The following THBS2 variants were observed in gnomAD, a reference collection of about 807,000 sequenced individuals.
THBS2 encodes thrombospondin-2.
A neutral mutation model predicts 135.2 loss-of-function variants in THBS2; 47 were observed. The observed-to-expected ratio is 0.35, with a 90% CI of 0.28 to 0.44. The LOEUF (loss-of-function observed/expected upper bound fraction) is 0.44, where lower values mean the gene tolerates loss of function less well. Ranked by LOEUF, THBS2 falls within the 20% of genes least tolerant of loss-of-function variation. THBS2 has a pLI of 1.00. For synonymous variants in THBS2, 639 were observed against 633.8 expected, an observed-to-expected ratio of 1.01 and a Z score of -0.12; for missense variants, 1,288 against 1,603.1, an observed-to-expected ratio of 0.80 and a Z score of 3.36.
chr6:169,233,119 C>G, intron 10 of THBS2, 102 bp from the exon 11 acceptor site: 1 of 1,405,274 alleles, frequency 7.1e-7, no homozygotes, highest in East Asian at 2.5e-5. Flanking sequence ...TCTTTGTCAT[C>G]GAATTGTGTA....
intron 3 of THBS2, among the ~76,000 whole-genome samples, chr6:169,247,832 T>A (rs1780605514): frequency 6.6e-6 from 1 of 151,802 alleles, no homozygotes. Flanking sequence ...TATTTGTGTA[T>A]GTGCATGGGT....
chr6:169,226,611 T>G (rs545031747), intron 15 of THBS2, among the ~76,000 whole-genome samples: 1 of 152,340 alleles, frequency 6.6e-6, no homozygotes, highest in Non-Finnish European at 1.5e-5. Context: ...GCTAAATTGC[T>G]TATTTCTCCC....
chr6:169,241,801 G>C lies in THBS2; in HGVS notation c.852C>G (p.His284Gln), dbSNP rs370664501. The C allele has an allele frequency of 2.5e-6, 4 of 1,612,032 alleles. No individual in the cohort carries two copies. The Admixed American group carries it at 6.7e-5, about 27-fold the overall frequency. Residue 284 changes from histidine to glutamine, a missense_variant, in exon 5 of 22, where the codon CAC (histidine) becomes CAG (glutamine). Coordinates refer to ENST00000617924, the MANE Select transcript of THBS2 (RefSeq NM_003247.5). This position sits in a 1 kb window ranked among gnomAD's most constrained non-coding sequence, Gnocchi z 5.5. ...GNMVQELSGLHVLVNQLSENL... is the reference protein window; with the variant it reads ...GNMVQELSGLQVLVNQLSENL... ...TCTCGCTGAGCTGGTTCACGAGGACGTGGAGCCCCGAGAGCTCCTGGACCA... is the reference window on the plus strand; with the variant it reads ...TCTCGCTGAGCTGGTTCACGAGGACCTGGAGCCCCGAGAGCTCCTGGACCA...
rs774388245 is a variant in THBS2 at position 169,248,831 on chromosome 6, C to G, written c.195G>C (p.Pro65=). The G allele has an allele frequency of 1.2e-6, 2 of 1,610,910 alleles. No homozygotes were observed. The highest frequency in any genetic ancestry group is 1.1e-5 in the South Asian group (1 of 91,088). ...TCTTGCTGAGGTCATCTGCGTTCAC[C>G]GGTGGGATGTAGTCAAAGCGCACGA... is the stretch of plus-strand genomic sequence containing the variant. The part of the protein sequence containing the change: ...YRFVRFDYIP[P]VNADDLSKIT... The change falls in exon 3 of 22, where the codon CCG becomes CCC. Residue 65 remains proline (P), a synonymous_variant. Coordinates refer to ENST00000617924, the MANE Select transcript of THBS2 (RefSeq NM_003247.5).
intron 13 of THBS2, 78 bp downstream of exon 13, chr6:169,231,902 C>T (rs1435067851): frequency 6.6e-6 from 9 of 1,368,188 alleles, no homozygotes; most frequent in African/African-American, 2.9e-5. Context: ...CCCCGCCCCC[C>T]GTCCGCGTAG....
Position 169,252,870 on chromosome 6 carries a change from A to C in THBS2, c.-23+854T>G, listed in dbSNP as rs1399915655. On this transcript the variant is annotated intron_variant, in intron 1 of 21. Coordinates refer to ENST00000617924, the MANE Select transcript of THBS2 (RefSeq NM_003247.5). The surrounding 1 kb of genome is among the most constrained non-coding windows in gnomAD (Gnocchi z 4.3). ...GTCTTTTAAAACTCTTTTCGTATGA[A>C]CAATCAAAGTAAAAGATAGCTTTGC... Among the ~76,000 whole-genome samples, 2 of 152,228 alleles carry C rather than the reference A, an allele frequency of 1.3e-5. No homozygotes were observed. Among genetic ancestry groups the C allele is most frequent in the Non-Finnish European group, 2.9e-5 (2 of 68,042 alleles).
chr6:169,236,179 A>AC (rs1780051404), intron 9 of THBS2, among the ~76,000 whole-genome samples: 1 of 82,182 alleles, frequency 1.2e-5, no homozygotes. Context: ...ATCCACACTC[A>AC]TTCCCCATCC....
At chr6:169,243,077 ACCTTC>A (rs1780414733) in intron 4 of THBS2, among the ~76,000 whole-genome samples, 1 of 53,746 alleles carries the variant, frequency 1.9e-5, no homozygotes, top group Admixed American at 1.9e-4. Context: ...CCACCTTCCC[ACCTTC>A]CCACTGCTCC....
chr6:169,242,345 T>TG (rs2115019288), intron 4 of THBS2, among the ~76,000 whole-genome samples: 1 of 152,174 alleles, frequency 6.6e-6, no homozygotes, highest in South Asian at 2.1e-4. Flanking sequence ...GTCCCCTCTT[T>TG]GCAAAGCTTC....
chr6:169,239,820 C>T, intron 6 of THBS2, 125 bp from the exon 7 acceptor site: 2 of 721,510 alleles, frequency 2.8e-6, no homozygotes. Flanking sequence ...CCATACATTA[C>T]AGAGATGTGA....
intron 21 of THBS2, among the ~76,000 whole-genome samples, 185 bp from the exon 22 acceptor site, chr6:169,218,014 GA>G (rs1278070889): frequency 3.1e-5 from 3 of 97,100 alleles, no homozygotes; most frequent in Admixed American, 9.5e-5. Flanking sequence ...GTGGATGGAT[GA>G]GATGGGTCGG....
rs142948558 is a variant in THBS2, at chr6:169,224,406, C to T, written c.2773+739G>A. Among the ~76,000 whole-genome samples the T allele has an allele frequency of 3.2e-3, 487 of 152,300 alleles. 3 individuals carry two copies. The highest frequency in any genetic ancestry group is 0.011 in the African/African-American group (463 of 41,572). On this transcript the variant is annotated intron_variant, in intron 17 of 21. Coordinates refer to ENST00000617924, the MANE Select transcript of THBS2 (RefSeq NM_003247.5). ...GCTCACTCCATCCCTTCATGCTGCT[C>T]GGGGAGAACACAGGAGCTGCCCTTC...
chr6:169,218,566 CTGGG>C (rs1261136683), intron 21 of THBS2, among the ~76,000 whole-genome samples: 1 of 62,098 alleles, frequency 1.6e-5, no homozygotes, highest in Non-Finnish European at 3.1e-5. Context: ...GTGGATGGGG[CTGGG>C]TGGATGGATG....
At chr6:169,225,441 C>G in intron 16 of THBS2, 62 bp from the exon 17 acceptor site, 1 of 1,487,352 alleles carries the variant, frequency 6.7e-7, no homozygotes, top group Non-Finnish European at 9.2e-7. Context: ...TGGAGAGGAA[C>G]CAGCAGGACG....
At chr6:169,218,679 A>AGATGGATG (rs138854334) in intron 21 of THBS2, among the ~76,000 whole-genome samples, 2 of 129,460 alleles carry the variant, frequency 1.5e-5, no homozygotes, top group Admixed American at 1.5e-4. Context: ...GCGGATGAGT[A>AGATGGATG]GATGGATGGA....
intron 4 of THBS2, among the ~76,000 whole-genome samples, chr6:169,244,600 GCACA>G (rs34824221): frequency 0.03 from 4,304 of 143,512 alleles, 107 homozygotes; most frequent in East Asian, 0.08. Context: ...ACACACGCAC[GCACA>G]CACACACACA....
At position 169,222,183 on chromosome 6, in the gene THBS2, C is replaced by A; in HGVS notation, c.3273+14G>T. On this transcript the variant is annotated intron_variant, in intron 19 of 21. Transcript: ENST00000617924. ...GTGCAGAGGAGATGTGTGGGCCTGG[C>A]CAGCCAACCTCACCTGCCCCGGCGT... 6.3e-7 allele frequency: 1 copy of A among 1,585,412 alleles called. No homozygotes were observed.
chr6:169,238,350 A>T (rs112979013), intron 7 of THBS2, among the ~76,000 whole-genome samples: 2 of 152,342 alleles, frequency 1.3e-5, no homozygotes, highest in African/African-American at 2.4e-5. Context: ...AATGGGGGGA[A>T]AGAGCAACCT....
chr6:169,251,793 G>T (rs1780760243), intron 1 of THBS2, among the ~76,000 whole-genome samples: 2 of 151,780 alleles, frequency 1.3e-5, no homozygotes, highest in Non-Finnish European at 2.9e-5. Context: ...GAAATGCTTG[G>T]CAGCACCTGC....
Sources: allele counts gnomAD v4.1 joint callset (sites outside exome capture counted in the v4.1 genomes callset), GRCh38; gene constraint gnomAD v4.1.1; non-coding constraint Gnocchi (gnomAD v3.1); transcripts MANE v1.5; gene names NCBI Gene and HGNC (gene_info 2026-07-23, HGNC 2026-07-21).